APBB1IP: variants seen among roughly 807,000 people sequenced by gnomAD.
The protein encoded by APBB1IP is amyloid beta A4 precursor protein-binding family B member 1-interacting protein.
In APBB1IP, 27 loss-of-function variants were observed where a neutral mutation model predicts 64.9. The observed-to-expected ratio is 0.42, with a 90% confidence interval of 0.31 to 0.57. The LOEUF (loss-of-function observed/expected upper bound fraction) is 0.57, where lower values mean the gene tolerates loss of function less well. APBB1IP is among the 20% of genes least tolerant of loss of function. APBB1IP has a pLI of 0.20. For missense variants in APBB1IP, 812 were observed against 845.5 expected, an observed-to-expected ratio of 0.96 and a Z score of 0.49; for synonymous variants, 392 against 331.0, an observed-to-expected ratio of 1.18 and a Z score of -2.00.
At chr10:26,482,844 G>A (rs1047806456) in intron 2 of APBB1IP, among the ~76,000 whole-genome samples, 4 of 151,548 alleles carry the variant, frequency 2.6e-5, no homozygotes, top group African/African-American at 9.7e-5. Context: ...CCAGCACTTT[G>A]GGAGGCTGAG....
chr10:26,485,462 C>T (rs1015168860), intron 2 of APBB1IP, among the ~76,000 whole-genome samples: 7 of 152,156 alleles, frequency 4.6e-5, no homozygotes, highest in African/African-American at 9.7e-5. Context: ...GGGTTTCCAA[C>T]GACGCATTTC....
intron 11 of APBB1IP, among the ~76,000 whole-genome samples, chr10:26,552,793 G>GA (rs1332001666): frequency 1.3e-5 from 2 of 152,086 alleles, no homozygotes; most frequent in Admixed American, 6.5e-5. Flanking sequence ...GTGGCCTCTG[G>GA]AACCACATCG....
intron 2 of APBB1IP, among the ~76,000 whole-genome samples, chr10:26,478,641 AGGCACTT>A: frequency 6.6e-6 from 1 of 150,816 alleles, no homozygotes; most frequent in South Asian, 2.1e-4. Flanking sequence ...GAAAAGAAAG[AGGCACTT>A]GGGCTGGAGA....
At chr10:26,540,688 A>G (rs1172972059) in intron 10 of APBB1IP, among the ~76,000 whole-genome samples, 2 of 152,212 alleles carry the variant, frequency 1.3e-5, no homozygotes, top group Non-Finnish European at 2.9e-5. Flanking sequence ...GTAAAGAAAT[A>G]TAGAAAGCGA....
chr10:26,490,987 T>A (rs570421707), intron 2 of APBB1IP, among the ~76,000 whole-genome samples: 2 of 152,122 alleles, frequency 1.3e-5, no homozygotes, highest in Non-Finnish European at 2.9e-5. Flanking sequence ...CATTTTGAAA[T>A]GTCCTTAGAG....
At chr10:26,512,878 C>G (rs1836278607) in intron 7 of APBB1IP, among the ~76,000 whole-genome samples, 1 of 152,142 alleles carries the variant, frequency 6.6e-6, no homozygotes, top group African/African-American at 2.4e-5. Context: ...ATGGTTTACA[C>G]TAAAGCAGTC....
intron 2 of APBB1IP, among the ~76,000 whole-genome samples, chr10:26,456,639 T>C (rs1835528311): frequency 6.8e-6 from 1 of 146,236 alleles, no homozygotes. Context: ...CTCAGGAGGC[T>C]GAGGTGGGAG....
At chr10:26,488,433 A>C (rs757945179) in intron 2 of APBB1IP, among the ~76,000 whole-genome samples, 1 of 152,004 alleles carries the variant, frequency 6.6e-6, no homozygotes, top group Non-Finnish European at 1.5e-5. Context: ...AAGTTTCTCT[A>C]TGTTGCCCAG....
chr10:26,549,228 A>AT (rs1836802328), intron 11 of APBB1IP, among the ~76,000 whole-genome samples: 1 of 152,100 alleles, frequency 6.6e-6, no homozygotes, highest in African/African-American at 2.4e-5. Flanking sequence ...TTGGATTGCT[A>AT]GTATTTTTTT....
chr10:26,487,998 T>A (rs972471242), intron 2 of APBB1IP, among the ~76,000 whole-genome samples: 1 of 152,206 alleles, frequency 6.6e-6, no homozygotes, highest in Non-Finnish European at 1.5e-5. Context: ...CACCAATAAT[T>A]ACTCTTAATA....
chr10:26,477,087 C>T (rs982113828), intron 2 of APBB1IP, among the ~76,000 whole-genome samples: 3 of 152,188 alleles, frequency 2.0e-5, no homozygotes, highest in African/African-American at 7.2e-5. Context: ...AGGTGTGAAC[C>T]ACCGTACCCA....
chr10:26,544,318 A>G (rs1396428329), intron 11 of APBB1IP, among the ~76,000 whole-genome samples: 5 of 151,978 alleles, frequency 3.3e-5, no homozygotes, highest in Non-Finnish European at 7.4e-5. Context: ...AATTTTCTGA[A>G]ACACTGGTCA....
chr10:26,513,438 C>T (rs1317359876), intron 7 of APBB1IP, 101 bp from the exon 8 acceptor site: 2 of 1,318,514 alleles, frequency 1.5e-6, no homozygotes, highest in East Asian at 4.7e-5. Flanking sequence ...ATCCCAGGCA[C>T]CTGATGAAAG....
At chr10:26,441,434 T>C (rs906721226) in intron 2 of APBB1IP, among the ~76,000 whole-genome samples, 3 of 152,148 alleles carry the variant, frequency 2.0e-5, no homozygotes, top group African/African-American at 7.2e-5. Context: ...AGAGACTAGA[T>C]TGTACCTGCA....
chr10:26,529,724 T>G (rs1001261580), intron 8 of APBB1IP, among the ~76,000 whole-genome samples: 3 of 151,960 alleles, frequency 2.0e-5, no homozygotes, highest in Non-Finnish European at 4.4e-5. Context: ...CACTGTAACC[T>G]CCACTTCCCA....
At chr10:26,442,373 G>T (rs991327863) in intron 2 of APBB1IP, among the ~76,000 whole-genome samples, 5 of 152,084 alleles carry the variant, frequency 3.3e-5, no homozygotes, top group African/African-American at 1.2e-4. Context: ...CATGACAGCC[G>T]GCTAGGTTGA....
At chr10:26,533,400 T>C (rs1836578499) in intron 8 of APBB1IP, 39 bp from the exon 9 acceptor site, 9 of 1,339,158 alleles carry the variant, frequency 6.7e-6, no homozygotes, top group Non-Finnish European at 9.4e-6. Flanking sequence ...AGTACGGTAA[T>C]GAACACTTAC....
At chr10:26,445,175 AG>A (rs1835382749) in intron 2 of APBB1IP, among the ~76,000 whole-genome samples, 2 of 150,164 alleles carry the variant, frequency 1.3e-5, no homozygotes, top group Non-Finnish European at 3.0e-5. Context: ...AAAGAAAGAA[AG>A]AAAGAAAGAA....
intron 6 of APBB1IP, among the ~76,000 whole-genome samples, chr10:26,508,004 C>T (rs1400648037): frequency 6.6e-6 from 1 of 152,092 alleles, no homozygotes; most frequent in South Asian, 2.1e-4. Flanking sequence ...AAACAGAAGC[C>T]GCTCTGATCA....
Sources: allele counts gnomAD v4.1 joint callset (sites outside exome capture counted in the v4.1 genomes callset), GRCh38; gene constraint gnomAD v4.1.1; transcripts MANE v1.5; gene names NCBI Gene and HGNC (gene_info 2026-07-23, HGNC 2026-07-21).